The following ARHGEF38 variants were observed in gnomAD, a reference collection of about 807,000 sequenced individuals.
The protein encoded by ARHGEF38 is Rho guanine nucleotide exchange factor (GEF) 38.
ARHGEF38 carries 79 observed loss-of-function variants against 79.9 expected under a neutral mutation model. That is an observed-to-expected ratio of 0.99 (90% CI 0.82 to 1.19). The LOEUF is 1.19. Among genes scored for constraint, ARHGEF38 ranks in the 50% most tolerant of loss-of-function variants. The pLI is 0.00. For synonymous variants in ARHGEF38, 366 were observed against 328.3 expected (o/e 1.11, Z -1.24); for missense variants, 962 against 907.2 (o/e 1.06, Z -0.78).
intron 2 of ARHGEF38, among the ~76,000 whole-genome samples, chr4:105,611,554 A>T (rs1728294364): frequency 6.6e-6 from 1 of 152,058 alleles, no homozygotes; most frequent in Non-Finnish European, 1.5e-5. Context: ...TAACTACTTA[A>T]TAATAAATTA....
intron 10 of ARHGEF38, 68 bp downstream of exon 10, chr4:105,659,433 C>G (rs989505331): frequency 3.5e-6 from 5 of 1,428,020 alleles, no homozygotes; most frequent in African/African-American, 1.4e-5. Context: ...CACACCCATA[C>G]GAAAGCCCTG....
chr4:105,614,496 G>A (rs1728436847), intron 3 of ARHGEF38, among the ~76,000 whole-genome samples: 1 of 152,122 alleles, frequency 6.6e-6, no homozygotes, highest in Non-Finnish European at 1.5e-5. Flanking sequence ...TTATAAAAAT[G>A]TCATGGAACT....
chr4:105,635,093 T>C (rs1228366531), intron 4 of ARHGEF38, among the ~76,000 whole-genome samples: 2 of 152,116 alleles, frequency 1.3e-5, no homozygotes. Context: ...ACATAAAAAC[T>C]TGTTAATTGT....
At chr4:105,564,412 C>T (rs75135612) in intron 1 of ARHGEF38, among the ~76,000 whole-genome samples, 15,478 of 151,954 alleles carry the variant, frequency 0.1, 790 homozygotes, top group Middle Eastern at 0.17. Flanking sequence ...AAAGGACAAA[C>T]GCTATATGAT....
At chr4:105,585,930 C>T (rs1418386212) in intron 1 of ARHGEF38, among the ~76,000 whole-genome samples, 4 of 151,770 alleles carry the variant, frequency 2.6e-5, no homozygotes, top group African/African-American at 7.3e-5. Context: ...GGCGTTTCTC[C>T]ATGTTGGTCA....
intron 9 of ARHGEF38, among the ~76,000 whole-genome samples, chr4:105,657,039 TA>T (rs1560752356): frequency 2.6e-5 from 4 of 151,804 alleles, no homozygotes. Flanking sequence ...GATAGATAGA[TA>T]GATAGATAGA....
At chr4:105,643,872 C>CTTTTTTTTTT in intron 5 of ARHGEF38, among the ~76,000 whole-genome samples, 1 of 98,098 alleles carries the variant, frequency 1.0e-5, no homozygotes, top group Non-Finnish European at 1.9e-5. Context: ...TGCCTTCCTA[C>CTTTTTTTTTT]TTTTTTTTTT....
chr4:105,606,215 A>T (rs201198423), intron 2 of ARHGEF38, among the ~76,000 whole-genome samples: 1 of 152,070 alleles, frequency 6.6e-6, no homozygotes, highest in Non-Finnish European at 1.5e-5. Context: ...TTGAACCTGG[A>T]TTTACTGCAA....
At chr4:105,587,121 G>A (rs574833272) in intron 1 of ARHGEF38, among the ~76,000 whole-genome samples, 1 of 152,262 alleles carries the variant, frequency 6.6e-6, no homozygotes, top group East Asian at 1.9e-4. Flanking sequence ...GGCACTGAGA[G>A]GCAGGCTGCT....
chr4:105,679,765 A>T lies in ARHGEF38; in HGVS notation c.*1828A>T. ...TTGACCTTTCTCTTGGTTGATAAAA[A>T]CATATACAAACCCCTGTCTGTCCAG... On this transcript the variant is annotated 3_prime_UTR_variant, in exon 14 of 14. Coordinates refer to ENST00000420470, the MANE Select transcript of ARHGEF38 (RefSeq NM_001242729.2). 3 of 930,322 alleles carry T rather than the reference A, an allele frequency of 3.2e-6. No homozygotes were observed. Among genetic ancestry groups the T allele is most frequent in the Non-Finnish European group, 5.3e-6 (3 of 564,630 alleles). 57.6% of individuals were successfully genotyped at this position (930,322 alleles called of 1,614,324 possible).
intron 1 of ARHGEF38, among the ~76,000 whole-genome samples, chr4:105,581,631 CTTTTA>C (rs374646205): frequency 2.2e-4 from 33 of 152,132 alleles, no homozygotes; most frequent in African/African-American, 6.5e-4. Flanking sequence ...TTATTATGAG[CTTTTA>C]TTTTAAGATT....
At position 105,638,329 on chromosome 4, in the gene ARHGEF38, G is replaced by A. The variant is rs1578335929; in HGVS notation, c.674+1909G>A. ...CACGCAAACATCAGACAGTATTAAA[G>A]TGACAGCAATCATAGAACTTCCCAC... On this transcript the variant is annotated intron_variant, in intron 5 of 13. Transcript: ENST00000420470. Among the ~76,000 whole-genome samples, 12 of 152,086 alleles carry A rather than the reference G, an allele frequency of 7.9e-5. No individual in the cohort carries two copies. The South Asian group carries it at 2.1e-3, about 26-fold the overall frequency.
chr4:105,668,662 GTAGATAGATAGATAGATAGA>G (rs10608366), intron 13 of ARHGEF38, among the ~76,000 whole-genome samples: 3 of 148,920 alleles, frequency 2.0e-5, no homozygotes, highest in African/African-American at 7.4e-5. Context: ...ATGTATATGT[GTAGATAGATAGATAGATAGA>G]TAGATAGATA....
intron 1 of ARHGEF38, among the ~76,000 whole-genome samples, chr4:105,575,996 C>G (rs946490117): frequency 7.2e-5 from 11 of 152,092 alleles, no homozygotes; most frequent in Admixed American, 2.0e-4. Context: ...CTATTCTGTT[C>G]CCTTAGTCTA....
chr4:105,679,519 A>ATCTT lies in ARHGEF38; in HGVS notation c.*1583_*1584insCTTT. The ATCTT allele has an allele frequency of 1.5e-6, 2 of 1,376,234 alleles. No homozygotes were observed. Among genetic ancestry groups the ATCTT allele is most frequent in the Non-Finnish European group, 2.1e-6 (2 of 965,974 alleles). The allele number at this position is 1,376,234 out of a possible 1,614,324, so 85.3% of individuals were successfully genotyped here. A position where few individuals can be genotyped will look rare whatever the true frequency, so the allele number is the denominator to read the frequency against. On this transcript the variant is annotated 3_prime_UTR_variant, in exon 14 of 14. Coordinates refer to ENST00000420470, the MANE Select transcript of ARHGEF38 (RefSeq NM_001242729.2). ...ATTAAAGATCATGGTTCAAAGCTTG[A>ATCTT]TACACCAGAAATGTGGGCTAAAGCT...
chr4:105,666,264 G>A lies in ARHGEF38; in HGVS notation c.1633G>A (p.Ala545Thr), dbSNP rs868324600. The change falls in exon 11 of 14, where the codon GCC becomes ACC. Residue 545 changes from alanine to threonine, a missense_variant. Physicochemically the swap from Ala to Thr is moderately conservative, Grantham distance 58. Transcript: ENST00000420470. ...QNLNCVKENS[A>T]TFIERKLSFE... The stretch of plus-strand genomic sequence containing the variant: ...TTTGAATTGTGTGAAAGAAAACAGT[G>A]CCACCTTTATTGAGAGGAAACTCAG... The A allele has an allele frequency of 1.2e-5, 18 of 1,535,048 alleles. No individual in the cohort carries two copies. In the African/African-American group the frequency reaches 2.2e-4, roughly 19 times the overall value.
At chr4:105,561,414 A>AGAATG (rs1553935771) in intron 1 of ARHGEF38, among the ~76,000 whole-genome samples, 508 of 42,114 alleles carry the variant, frequency 0.012, 48 homozygotes, top group East Asian at 0.048. Flanking sequence ...AGAATAGAAT[A>AGAATG]GAATAGAATG....
In ARHGEF38 at chr4:105,610,024, G is replaced by A. The variant is rs546707005; in HGVS notation, c.385-3360G>A. Among the ~76,000 whole-genome samples the A allele has an allele frequency of 9.2e-5, 14 of 152,244 alleles. No individual in the cohort carries two copies. In the South Asian group the frequency reaches 2.9e-3, roughly 32 times the overall value. On this transcript the variant is annotated intron_variant, in intron 2 of 13. Transcript: ENST00000420470. ...CATATACACCACGGAATACTATGCA[G>A]CCATAAAAAGGAATTGGATCATGTC... is the stretch of plus-strand genomic sequence containing the variant.
chr4:105,633,355 C>T (rs538230122), intron 4 of ARHGEF38, among the ~76,000 whole-genome samples: 8 of 152,126 alleles, frequency 5.3e-5, no homozygotes, highest in African/African-American at 1.2e-4. Flanking sequence ...TGACCTCAAT[C>T]GAGCTAACCT....
Sources: allele counts gnomAD v4.1 joint callset (sites outside exome capture counted in the v4.1 genomes callset), GRCh38; gene constraint gnomAD v4.1.1; transcripts MANE v1.5; gene names NCBI Gene and HGNC (gene_info 2026-07-23, HGNC 2026-07-21).